ZSCAN25: variants seen among roughly 807,000 people sequenced by gnomAD.
The protein encoded by ZSCAN25 is zinc finger and SCAN domain containing 25, also known as zinc finger and SCAN domain-containing protein 25.
In ZSCAN25, 27 loss-of-function variants were observed where a neutral mutation model predicts 38.7. The observed-to-expected ratio is 0.70, with a 90% CI of 0.51 to 0.96. The LOEUF (loss-of-function observed/expected upper bound fraction) is 0.96. Among genes scored for constraint, ZSCAN25 ranks in the 40% least tolerant of loss-of-function variants. The pLI is 0.00. For synonymous variants in ZSCAN25, 273 were observed against 277.7 expected, an observed-to-expected ratio of 0.98 and a Z score of 0.17; for missense variants, 637 against 705.9, an observed-to-expected ratio of 0.90 and a Z score of 1.11.
At chr7:99,695,708 A>G in the ZSCAN25 span, 1 of 1,565,152 alleles carries the variant, frequency 6.4e-7, no homozygotes, top group Middle Eastern at 1.7e-4. Context: ...GCTCTCTCCA[A>G]TCATAAGAAG....
At chr7:99,713,380 T>C in the ZSCAN25 span, 1 of 1,585,334 alleles carries the variant, frequency 6.3e-7, no homozygotes, top group Non-Finnish European at 8.6e-7. Context: ...GAAATTCTCA[T>C]CTACCTGGAA....
chr7:99,710,741 TA>T, the ZSCAN25 span: 2 of 1,613,850 alleles, frequency 1.2e-6, no homozygotes, highest in Middle Eastern at 1.7e-4. Flanking sequence ...CCTTATTGGG[TA>T]AAACTGTATC....
chr7:99,729,110 G>A, the ZSCAN25 span, among the ~76,000 whole-genome samples: 1 of 152,092 alleles, frequency 6.6e-6, no homozygotes, highest in Admixed American at 6.6e-5. Flanking sequence ...GACCCACCTG[G>A]ACACTTTCTA....
chr7:99,728,436 C>G, the ZSCAN25 span, among the ~76,000 whole-genome samples: 1 of 152,162 alleles, frequency 6.6e-6, no homozygotes, highest in Admixed American at 6.6e-5. Context: ...TACCCAGTTG[C>G]CCCATCAATC....
chr7:99,714,036 G>T, the ZSCAN25 span, among the ~76,000 whole-genome samples: 1 of 152,156 alleles, frequency 6.6e-6, no homozygotes, highest in African/African-American at 2.4e-5. Context: ...AGCCAGCCTT[G>T]CAGCCTCAAT....
At chr7:99,701,538 C>G in the ZSCAN25 span, among the ~76,000 whole-genome samples, 1 of 152,220 alleles carries the variant, frequency 6.6e-6, no homozygotes, top group Admixed American at 6.5e-5. Flanking sequence ...AAACTGTTCT[C>G]TATAGTGGTT....
chr7:99,710,679 A>C, the ZSCAN25 span: 1 of 1,613,194 alleles, frequency 6.2e-7, no homozygotes, highest in East Asian at 2.2e-5. Flanking sequence ...GTGAGGAAGC[A>C]TCTTTGCTAA....
chr7:99,668,849 G>A, the ZSCAN25 span, among the ~76,000 whole-genome samples: 1 of 152,150 alleles, frequency 6.6e-6, no homozygotes, highest in Non-Finnish European at 1.5e-5. Flanking sequence ...TTCTAATCAC[G>A]GACAGTTGAA....
chr7:99,677,369 A>G, the ZSCAN25 span: 40 of 429,012 alleles, frequency 9.3e-5, no homozygotes, highest in African/African-American at 8.4e-4. Flanking sequence ...ATGTGCATAA[A>G]AGAATCCACA....
the ZSCAN25 span, chr7:99,731,019 C>A: frequency 6.2e-7 from 1 of 1,609,836 alleles, no homozygotes; most frequent in African/African-American, 1.3e-5. Context: ...TTGCTCTTTG[C>A]AATCATAAGA....
Position 99,630,665 on chromosome 7 carries a change from C to G in ZSCAN25, c.*645C>G. 5 of 985,644 alleles carry G rather than the reference C, an allele frequency of 5.1e-6. No homozygotes were observed. Among genetic ancestry groups the G allele is most frequent in the Non-Finnish European group, 6.0e-6 (5 of 830,082 alleles). 61.1% of individuals were successfully genotyped at this position (985,644 alleles called of 1,614,324 possible). A position where few individuals can be genotyped will look rare whatever the true frequency, so the allele number is the denominator to read the frequency against. ...TGGATCTTCCCTCCCCAGCTGGGATCTGCTCCCAGGCAACTGTGTGAATTT... is the reference window on the plus strand; with the variant it reads ...TGGATCTTCCCTCCCCAGCTGGGATGTGCTCCCAGGCAACTGTGTGAATTT... On this transcript the variant is annotated 3_prime_UTR_variant, in exon 8 of 8. Coordinates refer to ENST00000394152, the MANE Select transcript of ZSCAN25 (RefSeq NM_145115.3).
the ZSCAN25 span, among the ~76,000 whole-genome samples, chr7:99,714,043 C>T: frequency 2.6e-5 from 4 of 152,172 alleles, no homozygotes; most frequent in African/African-American, 9.6e-5. Context: ...CTTGCAGCCT[C>T]AATTCCCAGA....
At chr7:99,658,026 A>T in the ZSCAN25 span, among the ~76,000 whole-genome samples, 1 of 151,416 alleles carries the variant, frequency 6.6e-6, no homozygotes, top group Non-Finnish European at 1.5e-5. Context: ...ATGGGTCTTG[A>T]CTCTATCCAG....
chr7:99,727,179 C>T, the ZSCAN25 span, among the ~76,000 whole-genome samples: 1 of 152,192 alleles, frequency 6.6e-6, no homozygotes, highest in Non-Finnish European at 1.5e-5. Context: ...AGCCAAAGTG[C>T]AGGGCTGTGC....
At chr7:99,685,518 C>T in the ZSCAN25 span, among the ~76,000 whole-genome samples, 1 of 152,202 alleles carries the variant, frequency 6.6e-6, no homozygotes, top group Non-Finnish European at 1.5e-5. Flanking sequence ...GGTGCCCTTG[C>T]AGAAATATTT....
At chr7:99,700,174 A>G in the ZSCAN25 span, 2 of 629,762 alleles carry the variant, frequency 3.2e-6, no homozygotes, top group Non-Finnish European at 5.8e-6. Context: ...TGTGCTGGAG[A>G]AGGAGGCGGG....
At chr7:99,652,908 G>A in the ZSCAN25 span, 28 of 703,988 alleles carry the variant, frequency 4.0e-5, no homozygotes, top group Non-Finnish European at 5.2e-5. Context: ...CATAGTATTC[G>A]TGAAGTATTT....
the ZSCAN25 span, among the ~76,000 whole-genome samples, chr7:99,707,218 C>G: frequency 4.6e-5 from 7 of 152,164 alleles, no homozygotes; most frequent in African/African-American, 1.7e-4. Context: ...GTAAGGATGG[C>G]CTTGGACTGT....
intron 1 of ZSCAN25, among the ~76,000 whole-genome samples, chr7:99,617,967 A>G (rs1052676555): frequency 2.6e-5 from 4 of 152,232 alleles, no homozygotes; most frequent in African/African-American, 4.8e-5. Context: ...AGAAATCTCA[A>G]TGTTGCAGAG....
Sources: allele counts gnomAD v4.1 joint callset (sites outside exome capture counted in the v4.1 genomes callset), GRCh38; gene constraint gnomAD v4.1.1; transcripts MANE v1.5; gene names NCBI Gene and HGNC (gene_info 2026-07-23, HGNC 2026-07-21).